USP7: variants seen among roughly 807,000 people sequenced by gnomAD.
The protein encoded by USP7 is ubiquitin specific peptidase 7, also known as ubiquitin C-terminal hydrolase 7.
In USP7, 9 loss-of-function variants were observed where a neutral mutation model predicts 162.9. The observed-to-expected ratio is 0.06, with a 90% CI of 0.03 to 0.10. The LOEUF (loss-of-function observed/expected upper bound fraction) is 0.10. Ranked by LOEUF, USP7 falls within the 10% of genes least tolerant of loss-of-function variation. The probability of loss-of-function intolerance (pLI) is 1.00; values close to 1 mark genes in which losing one functional copy is unlikely to be tolerated. For missense variants in USP7, 715 were observed against 1,373.7 expected, an observed-to-expected ratio of 0.52 and a Z score of 7.58; for synonymous variants, 562 against 475.9, an observed-to-expected ratio of 1.18 and a Z score of -2.35.
At chr16:8,937,376 T>C (rs2141244242) in intron 1 of USP7, among the ~76,000 whole-genome samples, 1 of 152,196 alleles carries the variant, frequency 6.6e-6, no homozygotes, top group Non-Finnish European at 1.5e-5. Flanking sequence ...ACCCCATCTC[T>C]ACTAAAAATA....
At chr16:8,958,027 T>C (rs1214026951) in intron 1 of USP7, among the ~76,000 whole-genome samples, 2 of 152,210 alleles carry the variant, frequency 1.3e-5, no homozygotes, top group Admixed American at 6.5e-5. Context: ...AGCCATCTCC[T>C]GCATTACTGT....
chr16:8,925,106 T>C (rs1257538033), intron 2 of USP7, among the ~76,000 whole-genome samples: 1 of 152,218 alleles, frequency 6.6e-6, no homozygotes, highest in East Asian at 1.9e-4. Context: ...AGTTAAGTTC[T>C]GCAAGGTAGA....
At chr16:8,958,343 G>A (rs1160111213) in intron 1 of USP7, among the ~76,000 whole-genome samples, 1 of 152,198 alleles carries the variant, frequency 6.6e-6, no homozygotes, top group Non-Finnish European at 1.5e-5. Context: ...TGTGTGCTGG[G>A]AACCGGCAGC....
At chr16:8,935,949 C>A (rs998201873) in intron 1 of USP7, 1 of 152,198 alleles carries the variant, frequency 6.6e-6, no homozygotes, top group Admixed American at 6.5e-5. Flanking sequence ...GCGAATCTAA[C>A]CCCTGAGATA....
rs775600919 is a variant in USP7 at position 8,904,511 on chromosome 16, C to T, written c.1628G>A (p.Arg543Gln). 9 of 1,614,124 alleles carry T rather than the reference C, an allele frequency of 5.6e-6. No homozygotes were observed. Among genetic ancestry groups the T allele is most frequent in the Admixed American group, 1.7e-5 (1 of 60,028 alleles). Residue 543 changes from arginine to glutamine, a missense_variant, in exon 15 of 31, where the codon CGA (arginine) becomes CAA (glutamine). Physicochemically the swap from Arg to Gln is conservative, Grantham distance 43. Transcript: ENST00000344836. ...DHDIPQQLVE[R>Q]LQEEKRIEAQ... ...CTCGATCCTTTTCTCTTCTTGTAAT[C>T]GCTCCACCAACTGCTGAGGAATATC...
intron 1 of USP7, among the ~76,000 whole-genome samples, chr16:8,955,716 A>AAC (rs1238233239): frequency 5.3e-5 from 8 of 151,420 alleles, no homozygotes; most frequent in African/African-American, 1.5e-4. Flanking sequence ...AAAAAAAAAA[A>AAC]AAAAAAAAAA....
chr16:8,916,969 T>C, intron 7 of USP7, 57 bp downstream of exon 7: 1 of 1,294,744 alleles, frequency 7.7e-7, no homozygotes. Flanking sequence ...TCACTTGTCC[T>C]AAAAAAAAAA....
intron 2 of USP7, among the ~76,000 whole-genome samples, chr16:8,927,492 T>C (rs930118664): frequency 5.3e-5 from 8 of 152,136 alleles, no homozygotes; most frequent in African/African-American, 1.9e-4. Context: ...CAAATTAGTT[T>C]CATGGAGAAC....
chr16:8,931,242 G>T (rs1278166314), intron 1 of USP7, among the ~76,000 whole-genome samples: 1 of 150,800 alleles, frequency 6.6e-6, no homozygotes, highest in Non-Finnish European at 1.5e-5. Context: ...AGCCTGGAGT[G>T]CAGTGGCGCA....
chr16:8,907,009 A>T (rs898579761), intron 12 of USP7, among the ~76,000 whole-genome samples: 4 of 152,222 alleles, frequency 2.6e-5, no homozygotes, highest in Non-Finnish European at 5.9e-5. Flanking sequence ...TACTTGACCA[A>T]ATTTCACCAT....
At chr16:8,927,774 T>G (rs1379890460) in intron 2 of USP7, among the ~76,000 whole-genome samples, 7 of 152,216 alleles carry the variant, frequency 4.6e-5, no homozygotes, top group African/African-American at 1.2e-4. Flanking sequence ...AGGTGGAGGT[T>G]GCAGTGAGCT....
chr16:8,935,662 C>G (rs1898666821), intron 1 of USP7: 1 of 152,212 alleles, frequency 6.6e-6, no homozygotes, highest in South Asian at 2.1e-4. Context: ...ATACGCATAT[C>G]CCACTCAGAA....
Position 8,942,525 on chromosome 16 carries a change from G to T in USP7, c.80-12128C>A, listed in dbSNP as rs180822423. ...CTCCTAAGTAACTCTGAATCCCTCT[G>T]GTCTTATTAACAATATTTGGCTTAC... On this transcript the variant is annotated intron_variant, in intron 1 of 30. Transcript: ENST00000344836. 1.2e-3 allele frequency among the ~76,000 whole-genome samples: 189 copies of T among 152,254 alleles called. No homozygotes were observed. In the Middle Eastern group the frequency reaches 0.02, roughly 16 times the overall value.
At chr16:8,953,343 T>C (rs1744589137) in intron 1 of USP7, among the ~76,000 whole-genome samples, 2 of 152,110 alleles carry the variant, frequency 1.3e-5, no homozygotes, top group African/African-American at 4.8e-5. Context: ...GCCAGACCCG[T>C]TCCTGCCAGT....
chr16:8,941,791 CT>C (rs1567241255), intron 1 of USP7, among the ~76,000 whole-genome samples: 1 of 152,194 alleles, frequency 6.6e-6, no homozygotes, highest in Non-Finnish European at 1.5e-5. Context: ...CGGCCAGCCA[CT>C]GACCCTTCCA....
intron 2 of USP7, among the ~76,000 whole-genome samples, chr16:8,926,443 C>T (rs893816814): frequency 6.6e-6 from 1 of 152,110 alleles, no homozygotes; most frequent in Non-Finnish European, 1.5e-5. Context: ...CATGGCATTG[C>T]ACTCCAGCCT....
At position 8,892,347 on chromosome 16, in the gene USP7, C is replaced by G. The variant is rs925252733; in HGVS notation, c.*1651G>C. The G allele has an allele frequency of 6.6e-6, 1 of 152,340 alleles. No homozygotes were observed. The highest frequency in any genetic ancestry group is 2.4e-5 in the African/African-American group (1 of 41,432). 9.4% of individuals were successfully genotyped at this position (152,340 alleles called of 1,614,324 possible). ...ACGGGTCACAAGGCAGCTCTCAGAG[C>G]AGAAGGCACACACACTGCAGTGGAA... On this transcript the variant is annotated 3_prime_UTR_variant, in exon 31 of 31. Transcript: ENST00000344836.
rs1898251195 is a variant in USP7, at chr16:8,930,408, G to A, written c.80-11C>T. On this transcript the variant is annotated splice_polypyrimidine_tract_variant and intron_variant, in intron 1 of 30. Coordinates refer to ENST00000344836, the MANE Select transcript of USP7 (RefSeq NM_003470.3). Reference sequence around the variant, plus strand: ...CATCTGTATCTCCCGCTTTAAAGAAGAAAAAGAAATTCCACGGGTTTTACA... The same window carrying A: ...CATCTGTATCTCCCGCTTTAAAGAAAAAAAAGAAATTCCACGGGTTTTACA... 3 of 1,590,920 alleles carry A rather than the reference G, an allele frequency of 1.9e-6. No individual in the cohort carries two copies. The East Asian group carries it at 6.8e-5, about 36-fold the overall frequency.
At chr16:8,946,985 T>A in intron 1 of USP7, among the ~76,000 whole-genome samples, 1 of 152,314 alleles carries the variant, frequency 6.6e-6, no homozygotes, top group Middle Eastern at 3.4e-3. Context: ...CTTAAGGTAA[T>A]GGGGCGGGGT....
Sources: gnomAD v4.1 joint callset for allele counts (sites outside exome capture counted in the v4.1 genomes callset) on GRCh38, gnomAD v4.1.1 for gene constraint, MANE v1.5 for transcripts, NCBI Gene and HGNC (gene_info 2026-07-23, HGNC 2026-07-21) for gene names.